Variants in PTPRT observed in about 807,000 individuals in gnomAD.
The protein encoded by PTPRT is receptor-type tyrosine-protein phosphatase T.
PTPRT carries 56 observed loss-of-function variants against 176.8 expected under a neutral mutation model. The observed-to-expected ratio is 0.32, with a 90% CI of 0.26 to 0.40. The LOEUF is 0.40. PTPRT is among the 10% of genes least tolerant of loss of function. The probability of loss-of-function intolerance (pLI) is 1.00; values close to 1 mark genes in which losing one functional copy is unlikely to be tolerated. For synonymous variants in PTPRT, 783 were observed against 739.0 expected (o/e 1.06, Z -0.96); for missense variants, 1,540 against 1,908.2 (o/e 0.81, Z 3.60).
intron 11 of PTPRT, among the ~76,000 whole-genome samples, chr20:42,329,571 G>A (rs925691950): frequency 3.3e-5 from 5 of 151,322 alleles, no homozygotes; most frequent in Non-Finnish European, 5.9e-5. Flanking sequence ...TTCAATAAAC[G>A]GTGTGGAGGA....
intron 6 of PTPRT, among the ~76,000 whole-genome samples, chr20:42,752,829 C>T (rs945302792): frequency 1.3e-5 from 2 of 152,268 alleles, no homozygotes; most frequent in South Asian, 2.1e-4. Context: ...TTCTTCCAAA[C>T]GCTTGGGTTT....
chr20:42,996,764 T>G (rs534062667), intron 1 of PTPRT, among the ~76,000 whole-genome samples: 1 of 152,324 alleles, frequency 6.6e-6, no homozygotes, highest in South Asian at 2.1e-4. Flanking sequence ...AGGCTGAGTT[T>G]GAATCTAAGC....
At chr20:43,011,344 T>C (rs1985111015) in intron 1 of PTPRT, among the ~76,000 whole-genome samples, 1 of 152,152 alleles carries the variant, frequency 6.6e-6, no homozygotes, top group Admixed American at 6.5e-5. Context: ...TGTCTCCTCC[T>C]GTAATTTTTA....
intron 12 of PTPRT, among the ~76,000 whole-genome samples, chr20:42,308,936 C>T (rs1163248498): frequency 6.6e-6 from 1 of 152,196 alleles, no homozygotes; most frequent in Non-Finnish European, 1.5e-5. Context: ...GCATCATGAC[C>T]AATTCAACAC....
intron 1 of PTPRT, among the ~76,000 whole-genome samples, chr20:42,899,818 C>T (rs1216316484): frequency 6.6e-6 from 1 of 152,174 alleles, no homozygotes; most frequent in Non-Finnish European, 1.5e-5. Flanking sequence ...TGATGCATGG[C>T]TTGGTTATGG....
chr20:42,573,753 T>C (rs906154206), intron 7 of PTPRT, among the ~76,000 whole-genome samples: 4 of 138,124 alleles, frequency 2.9e-5, no homozygotes, highest in Non-Finnish European at 4.7e-5. Flanking sequence ...TTCTTTCTTT[T>C]TTTTTTTTTT....
chr20:42,581,730 A>G (rs2073376323), intron 7 of PTPRT, among the ~76,000 whole-genome samples: 1 of 152,212 alleles, frequency 6.6e-6, no homozygotes, highest in Admixed American at 6.5e-5. Flanking sequence ...AGAAAATTGC[A>G]TTGCCTTTAA....
At chr20:42,149,301 T>C (rs1989019971) in intron 17 of PTPRT, among the ~76,000 whole-genome samples, 1 of 152,024 alleles carries the variant, frequency 6.6e-6, no homozygotes, top group African/African-American at 2.4e-5. Context: ...GCAGAGAGAA[T>C]AAGAGGAGGA....
chr20:42,146,481 C>G (rs935343810), intron 17 of PTPRT, among the ~76,000 whole-genome samples: 1 of 152,164 alleles, frequency 6.6e-6, no homozygotes, highest in African/African-American at 2.4e-5. Context: ...TTAGAATCAC[C>G]TGGGCAGGTT....
chr20:42,760,716 C>A (rs1022923670), intron 5 of PTPRT, among the ~76,000 whole-genome samples: 3 of 152,010 alleles, frequency 2.0e-5, no homozygotes, highest in African/African-American at 7.3e-5. Context: ...AAGAGTGGTC[C>A]CTGAATCTAC....
chr20:42,148,260 ATT>A (rs34255255), intron 17 of PTPRT, among the ~76,000 whole-genome samples: 8,759 of 113,946 alleles, frequency 0.077, 513 homozygotes, highest in African/African-American at 0.19. Flanking sequence ...CAAGGCAGTC[ATT>A]TTTTTTTTTT....
chr20:42,526,228 C>G (rs1221664052), intron 7 of PTPRT, among the ~76,000 whole-genome samples: 1 of 151,966 alleles, frequency 6.6e-6, no homozygotes, highest in Non-Finnish European at 1.5e-5. Flanking sequence ...TGGATTTTTT[C>G]TCTTATCATT....
chr20:42,197,970 A>G (rs1475024377), intron 16 of PTPRT, among the ~76,000 whole-genome samples: 1 of 152,202 alleles, frequency 6.6e-6, no homozygotes, highest in Non-Finnish European at 1.5e-5. Context: ...GGTGCCTATG[A>G]GAACTCTCTG....
intron 1 of PTPRT, among the ~76,000 whole-genome samples, chr20:43,021,639 CA>C (rs1187735060): frequency 1.3e-5 from 2 of 152,076 alleles, no homozygotes; most frequent in African/African-American, 4.8e-5. Context: ...GAGTCCTTTC[CA>C]ACCTAGCCCT....
At chr20:43,103,292 T>C (rs995943582) in intron 1 of PTPRT, among the ~76,000 whole-genome samples, 2 of 152,034 alleles carry the variant, frequency 1.3e-5, no homozygotes, top group African/African-American at 2.4e-5. Flanking sequence ...TCCAAAATCA[T>C]GGGTGGGGAT....
rs531821001 is a variant in PTPRT, at chr20:42,115,132, G to A, written c.3099+67C>T. 87 of 1,187,374 alleles carry A rather than the reference G, an allele frequency of 7.3e-5. 1 individual carries two copies. The South Asian group carries it at 1.0e-3, about 14-fold the overall frequency. The allele number at this position is 1,187,374 out of a possible 1,614,324, so 73.6% of individuals were successfully genotyped here. A position where few individuals can be genotyped will look rare whatever the true frequency, so the allele number is the denominator to read the frequency against. On this transcript the variant is annotated intron_variant, in intron 22 of 30. Coordinates refer to ENST00000373187, the MANE Select transcript of PTPRT (RefSeq NM_007050.6). ...TAGAGCAGACCCTCAGTTACCACAT[G>A]TTCTGGATGAACAAACAAGCTGGCT...
Position 42,210,302 on chromosome 20 carries a change from A to G in PTPRT, c.2343-10914T>C, listed in dbSNP as rs912271006. Among the ~76,000 whole-genome samples, 4 of 152,278 alleles carry G rather than the reference A, an allele frequency of 2.6e-5. No individual in the cohort carries two copies. The South Asian group carries it at 8.3e-4, about 32-fold the overall frequency. On this transcript the variant is annotated intron_variant, in intron 15 of 30. Transcript: ENST00000373187. Reference sequence around the variant, plus strand: ...AGTGTTGGAAGTTCTGGCCAGGGCAATGAGGCAGGAGAAGGAAATAAAGGG... The same window carrying G: ...AGTGTTGGAAGTTCTGGCCAGGGCAGTGAGGCAGGAGAAGGAAATAAAGGG...
chr20:43,147,892 C>T (rs961429314), intron 1 of PTPRT, among the ~76,000 whole-genome samples: 3 of 152,174 alleles, frequency 2.0e-5, no homozygotes, highest in Non-Finnish European at 2.9e-5. Flanking sequence ...CAGAACCTGG[C>T]ACTCTCACCC....
At chr20:42,457,181 T>C (rs539611500) in intron 8 of PTPRT, among the ~76,000 whole-genome samples, 60 of 152,314 alleles carry the variant, frequency 3.9e-4, no homozygotes, top group Non-Finnish European at 6.2e-4. Flanking sequence ...GTGACCTTGC[T>C]TTTCCTTATA....
Sources: allele counts gnomAD v4.1 joint callset (sites outside exome capture counted in the v4.1 genomes callset), GRCh38; gene constraint gnomAD v4.1.1; transcripts MANE v1.5; gene names NCBI Gene and HGNC (gene_info 2026-07-23, HGNC 2026-07-21).